Variants in SLC12A8 observed in about 807,000 individuals in gnomAD.
SLC12A8 encodes cation-chloride cotransporter 9.
A neutral mutation model predicts 75.6 loss-of-function variants in SLC12A8; 69 were observed. That is an observed-to-expected ratio of 0.91 (90% CI 0.75 to 1.11). SLC12A8 has a LOEUF of 1.11. Ranked by LOEUF, SLC12A8 falls within the 50% of genes most tolerant of loss-of-function variation. The pLI is 0.00. For missense variants in SLC12A8, 877 were observed against 896.7 expected, an observed-to-expected ratio of 0.98 and a Z score of 0.28; for synonymous variants, 365 against 372.8, an observed-to-expected ratio of 0.98 and a Z score of 0.24.
intron 10 of SLC12A8, among the ~76,000 whole-genome samples, chr3:125,103,290 T>G (rs1938931400): frequency 6.6e-6 from 1 of 151,856 alleles, no homozygotes. Context: ...AGAACTCTCC[T>G]CCAGAGGAAA....
intron 10 of SLC12A8, among the ~76,000 whole-genome samples, chr3:125,094,941 TC>T (rs1366781542): frequency 6.6e-6 from 1 of 152,226 alleles, no homozygotes; most frequent in African/African-American, 2.4e-5. Context: ...GGAAAAATTA[TC>T]CTCTAAGATG....
chr3:125,142,669 A>C (rs570506145), intron 5 of SLC12A8, among the ~76,000 whole-genome samples: 3 of 152,370 alleles, frequency 2.0e-5, no homozygotes, highest in Non-Finnish European at 4.4e-5. Flanking sequence ...ATTTTGAGTC[A>C]GCGAGACCGG....
chr3:125,106,806 A>C (rs1253421922), intron 10 of SLC12A8, among the ~76,000 whole-genome samples: 1 of 152,204 alleles, frequency 6.6e-6, no homozygotes, highest in Non-Finnish European at 1.5e-5. Flanking sequence ...CCAGCTGTGC[A>C]AAGAATCAGG....
intron 6 of SLC12A8, among the ~76,000 whole-genome samples, chr3:125,132,995 G>A (rs931559521): frequency 6.6e-6 from 1 of 152,134 alleles, no homozygotes; most frequent in Admixed American, 6.5e-5. Flanking sequence ...GACTAAAAAT[G>A]CACGCTGCAT....
At chr3:125,099,820 C>T (rs1008424798) in intron 10 of SLC12A8, among the ~76,000 whole-genome samples, 2 of 152,014 alleles carry the variant, frequency 1.3e-5, no homozygotes, top group African/African-American at 4.8e-5. Flanking sequence ...CCCAGCTACT[C>T]AGGAGGCTGA....
At chr3:125,124,240 C>A (rs1212002234) in intron 6 of SLC12A8, among the ~76,000 whole-genome samples, 1 of 152,210 alleles carries the variant, frequency 6.6e-6, no homozygotes, top group Non-Finnish European at 1.5e-5. Flanking sequence ...ACTCGGACTG[C>A]AGACAAGAAG....
intron 5 of SLC12A8, among the ~76,000 whole-genome samples, chr3:125,145,734 T>C (rs1933755869): frequency 6.6e-6 from 1 of 152,368 alleles, no homozygotes; most frequent in African/African-American, 2.4e-5. Flanking sequence ...AGTAAGAGAC[T>C]AGCAACAATG....
chr3:125,158,226 T>A (rs1934091606), intron 5 of SLC12A8, among the ~76,000 whole-genome samples: 1 of 152,072 alleles, frequency 6.6e-6, no homozygotes, highest in Admixed American at 6.5e-5. Context: ...TTTCCTTTTT[T>A]TTTTTCTTTT....
At chr3:125,110,518 C>T (rs1560054733) in intron 8 of SLC12A8, 183 bp from the exon 9 acceptor site, 2 of 527,416 alleles carry the variant, frequency 3.8e-6, no homozygotes, top group Admixed American at 3.2e-5. Flanking sequence ...CAGCTGAATC[C>T]ACCACCACAT....
chr3:125,141,181 C>T (rs111581250), intron 5 of SLC12A8, among the ~76,000 whole-genome samples: 2,770 of 150,150 alleles, frequency 0.018, 67 homozygotes, highest in Non-Finnish European at 0.028. Flanking sequence ...GGGTGGGGTG[C>T]GGGTAAGACA....
chr3:125,134,529 G>A (rs1166683210), intron 6 of SLC12A8, among the ~76,000 whole-genome samples: 1 of 152,172 alleles, frequency 6.6e-6, no homozygotes, highest in Non-Finnish European at 1.5e-5. Context: ...TAAAATTTAA[G>A]CTGCTTGGAA....
intron 5 of SLC12A8, among the ~76,000 whole-genome samples, chr3:125,150,252 C>A (rs1933886846): frequency 6.6e-6 from 1 of 152,088 alleles, no homozygotes; most frequent in African/African-American, 2.4e-5. Context: ...TTAATCATAC[C>A]ATTGGCTTCA....
intron 10 of SLC12A8, among the ~76,000 whole-genome samples, chr3:125,096,007 A>G (rs981231949): frequency 6.6e-6 from 1 of 152,150 alleles, no homozygotes; most frequent in African/African-American, 2.4e-5. Flanking sequence ...AATGGCCCAC[A>G]TGGCCCTATA....
chr3:125,163,746 G>T (rs1934225222), intron 5 of SLC12A8, among the ~76,000 whole-genome samples: 1 of 152,210 alleles, frequency 6.6e-6, no homozygotes, highest in Non-Finnish European at 1.5e-5. Flanking sequence ...AACCTTCCAA[G>T]GAATCATCCA....
At chr3:125,185,560 C>G (rs1934760326) in intron 4 of SLC12A8, among the ~76,000 whole-genome samples, 1 of 152,074 alleles carries the variant, frequency 6.6e-6, no homozygotes, top group Non-Finnish European at 1.5e-5. Flanking sequence ...TAACACCAAC[C>G]CTTCACAAAC....
chr3:125,137,235 T>A (rs187180828), intron 5 of SLC12A8, among the ~76,000 whole-genome samples: 17 of 152,260 alleles, frequency 1.1e-4, no homozygotes, highest in East Asian at 1.9e-4. Flanking sequence ...AATATTTTTT[T>A]TAAAAAATAA....
chr3:125,148,207 G>A (rs548489545), intron 5 of SLC12A8, among the ~76,000 whole-genome samples: 6 of 152,302 alleles, frequency 3.9e-5, no homozygotes, highest in African/African-American at 7.2e-5. Context: ...TTGCCAACTC[G>A]CTATGGGGCC....
At chr3:125,151,847 C>T (rs1280337604) in intron 5 of SLC12A8, among the ~76,000 whole-genome samples, 2 of 152,120 alleles carry the variant, frequency 1.3e-5, no homozygotes, top group Admixed American at 6.5e-5. Flanking sequence ...CTTTTTTCCA[C>T]CTGAAAATTT....
Position 125,119,020 on chromosome 3 carries a change from T to C in SLC12A8, c.825-164A>G, listed in dbSNP as rs1387347267. On this transcript the variant is annotated intron_variant, in intron 7 of 13. Transcript: ENST00000469902. ...TGGCTTGGGAGGACACTTTTTGTAC[T>C]ATTTCTCTTCTGGCATATTTCTTAC... 4 of 529,356 alleles carry C rather than the reference T, an allele frequency of 7.6e-6. No homozygotes were observed. In the East Asian group the frequency reaches 9.4e-5, roughly 12 times the overall value. 32.8% of individuals were successfully genotyped at this position (529,356 alleles called of 1,614,324 possible).
Sources: allele counts gnomAD v4.1 joint callset (sites outside exome capture counted in the v4.1 genomes callset), GRCh38; gene constraint gnomAD v4.1.1; transcripts MANE v1.5; gene names NCBI Gene and HGNC (gene_info 2026-07-23, HGNC 2026-07-21).